TUBGCP5: variants seen among roughly 807,000 people sequenced by gnomAD.
TUBGCP5 encodes gamma-tubulin complex component 5.
A neutral mutation model predicts 134.7 loss-of-function variants in TUBGCP5; 98 were observed. The observed-to-expected ratio is 0.73, with a 90% CI of 0.62 to 0.86. TUBGCP5 has a LOEUF of 0.86. Among genes scored for constraint, TUBGCP5 ranks in the 40% least tolerant of loss-of-function variants. The pLI, the probability that TUBGCP5 is intolerant of heterozygous loss-of-function variation, is 0.00. For missense variants in TUBGCP5, 1,150 were observed against 1,244.8 expected (o/e 0.92, Z 1.15); for synonymous variants, 456 against 431.4 (o/e 1.06, Z -0.71).
intron 18 of TUBGCP5, chr15:23,005,832 C>CAT (rs1197451250): frequency 3.1e-5 from 21 of 671,166 alleles, no homozygotes; most frequent in Non-Finnish European, 4.9e-5. Context: ...ATCAACTGTA[C>CAT]ATACAACTTC....
chr15:23,002,199 A>C (rs2064429209), intron 21 of TUBGCP5, among the ~76,000 whole-genome samples: 2 of 152,172 alleles, frequency 1.3e-5, no homozygotes, highest in Non-Finnish European at 2.9e-5. Flanking sequence ...CAGCAATATA[A>C]AGCGAGGAAG....
At chr15:22,990,026 G>A (rs2140345675) in intron 23 of TUBGCP5, among the ~76,000 whole-genome samples, 1 of 152,268 alleles carries the variant, frequency 6.6e-6, no homozygotes, top group African/African-American at 2.4e-5. Flanking sequence ...AGAGTCCTCT[G>A]AGATCACACA....
intron 23 of TUBGCP5, among the ~76,000 whole-genome samples, chr15:22,985,053 A>C (rs963603114): frequency 4.6e-5 from 7 of 152,172 alleles, no homozygotes; most frequent in African/African-American, 1.7e-4. Context: ...AAAATAGGGC[A>C]AAAGACTTTA....
intron 5 of TUBGCP5, among the ~76,000 whole-genome samples, chr15:23,031,339 G>A (rs1026622307): frequency 3.3e-4 from 50 of 150,510 alleles, no homozygotes; most frequent in South Asian, 1.3e-3. Flanking sequence ...TTTTGAGACA[G>A]AGTCTCTCGC....
chr15:23,010,428 T>G (rs2064968839), intron 14 of TUBGCP5, among the ~76,000 whole-genome samples: 1 of 152,154 alleles, frequency 6.6e-6, no homozygotes, highest in African/African-American at 2.4e-5. Context: ...TCTAATGGAC[T>G]AAGTGCCTAA....
At position 23,006,191 on chromosome 15, in the gene TUBGCP5, A is replaced by G; in HGVS notation, c.2413-19T>C. The G allele has an allele frequency of 6.2e-7, 1 of 1,608,702 alleles. No homozygotes were observed. Reference sequence around the variant, plus strand: ...ATGGGACCTATGAAACAAAAACAAAATTAGAAAGTAACCAATTACTTGCAT... The same window carrying G: ...ATGGGACCTATGAAACAAAAACAAAGTTAGAAAGTAACCAATTACTTGCAT... On this transcript the variant is annotated intron_variant, in intron 17 of 22. Coordinates refer to ENST00000615383, the MANE Select transcript of TUBGCP5 (RefSeq NM_052903.6).
chr15:23,039,503 T>G lies in TUBGCP5; in HGVS notation c.41A>C (p.Gln14Pro), dbSNP rs375288021. Residue 14 changes from glutamine (Q) to proline (P), a missense_variant, in exon 1 of 23, where the codon CAG (glutamine) becomes CCG (proline). Gln to Pro is a moderately conservative substitution (Grantham distance 76). This residue lies in a region of TUBGCP5 where 453 missense variants were observed against 394.7 expected (regional missense o/e 1.15). Coordinates refer to ENST00000615383, the MANE Select transcript of TUBGCP5 (RefSeq NM_052903.6). The part of the protein sequence containing the change: ...HGPPWSRLDA[Q>P]QERDVRELVR... ...GAGCTCCCGCACGTCGCGCTCCTGC[T>G]GCGCGTCCAACCGACTCCACGGTGG... 1 of 1,510,728 alleles carries G rather than the reference T, an allele frequency of 6.6e-7. No homozygotes were observed. 93.6% of individuals were successfully genotyped at this position (1,510,728 alleles called of 1,614,324 possible). A position where few individuals can be genotyped will look rare whatever the true frequency, so the allele number is the denominator to read the frequency against.
intron 1 of TUBGCP5, 49 bp from the exon 2 acceptor site, chr15:23,037,201 A>G: frequency 6.4e-7 from 1 of 1,574,278 alleles, no homozygotes; most frequent in Non-Finnish European, 8.7e-7. Context: ...CACACAGGTA[A>G]GTGAACTCAT....
rs1230267969 is a variant in TUBGCP5, at chr15:23,005,572, CTTCT to C, written c.2568_2571del (p.Glu857AlafsTer19). 7 of 1,613,932 alleles carry C rather than the reference CTTCT, an allele frequency of 4.3e-6. No individual in the cohort carries two copies. Among genetic ancestry groups the C allele is most frequent in the South Asian group, 1.1e-5 (1 of 91,078 alleles). On this transcript the variant is annotated frameshift_variant, in exon 19 of 23. Coordinates refer to ENST00000615383, the MANE Select transcript of TUBGCP5 (RefSeq NM_052903.6). LOFTEE classifies it high-confidence loss of function. Reference sequence around the variant, plus strand: ...ACTGTGTCTTGTTCATGTATAAGGCCTTCTTTAAGTCGTGGTTTTTCTGCAGTAC... The same window carrying C: ...ACTGTGTCTTGTTCATGTATAAGGCCTTAAGTCGTGGTTTTTCTGCAGTAC...
rs866593750 is a variant in TUBGCP5, at chr15:23,019,314, G to A, written c.1392C>T (p.Leu464=). ...SEQTVSLLFS[L]WVETVRPYLQ... ...GGTAAGGCCGCACCGTTTCCACCCAGAGAGAGAAAAGGAGGGAGACCTGAG... is the reference window on the plus strand; with the variant it reads ...GGTAAGGCCGCACCGTTTCCACCCAAAGAGAGAAAAGGAGGGAGACCTGAG... Residue 464 remains leucine (L), a synonymous_variant, in exon 12 of 23, where the codon CTC becomes CTT. Transcript: ENST00000615383. The A allele has an allele frequency of 1.9e-6, 3 of 1,613,800 alleles. No individual in the cohort carries two copies.
At chr15:23,025,660 G>A (rs1396625376) in intron 8 of TUBGCP5, among the ~76,000 whole-genome samples, 2 of 152,136 alleles carry the variant, frequency 1.3e-5, no homozygotes, top group Non-Finnish European at 1.5e-5. Context: ...GTGAAACCCC[G>A]TCTCTACTAA....
chr15:23,032,050 T>C, intron 4 of TUBGCP5, 21 bp from the exon 5 acceptor site: 1 of 1,577,946 alleles, frequency 6.3e-7, no homozygotes, highest in Non-Finnish European at 8.7e-7. Context: ...ACAGAAGAAC[T>C]TCATTGGCTT....
intron 13 of TUBGCP5, among the ~76,000 whole-genome samples, chr15:23,012,962 C>T (rs1231149683): frequency 3.3e-5 from 5 of 151,934 alleles, no homozygotes; most frequent in Non-Finnish European, 7.4e-5. Flanking sequence ...ATTAGCCGGG[C>T]GTAGTGGCTC....
chr15:23,031,211 CT>C (rs1417022105), intron 5 of TUBGCP5, among the ~76,000 whole-genome samples, 191 bp from the exon 6 acceptor site: 1 of 151,884 alleles, frequency 6.6e-6, no homozygotes, highest in East Asian at 1.9e-4. Context: ...ACTACTTTTT[CT>C]TTTTTTCTAT....
At chr15:22,984,632 AAG>A (rs1170484261) in intron 23 of TUBGCP5, among the ~76,000 whole-genome samples, 1 of 152,112 alleles carries the variant, frequency 6.6e-6, no homozygotes, top group Non-Finnish European at 1.5e-5. Flanking sequence ...AAAAAAATAA[AAG>A]AAACTTTTTT....
At chr15:23,014,806 G>T (rs1266475994) in intron 13 of TUBGCP5, among the ~76,000 whole-genome samples, 1 of 152,200 alleles carries the variant, frequency 6.6e-6, no homozygotes, top group Non-Finnish European at 1.5e-5. Context: ...TCCAAGGCTT[G>T]AGAAATGACC....
intron 23 of TUBGCP5, among the ~76,000 whole-genome samples, chr15:22,989,237 T>C (rs1306654577): frequency 6.6e-6 from 1 of 152,202 alleles, no homozygotes; most frequent in Non-Finnish European, 1.5e-5. Context: ...AGCAGACAGC[T>C]TTGGGGCTAC....
At position 23,037,127 on chromosome 15, in the gene TUBGCP5, T is replaced by C; in HGVS notation, c.172A>G (p.Ser58Gly). The C allele has an allele frequency of 1.2e-6, 2 of 1,613,772 alleles. No homozygotes were observed. The highest frequency in any genetic ancestry group is 8.5e-7 in the Non-Finnish European group (1 of 1,179,990). Residue 58 changes from serine (S) to glycine (G), a missense_variant, in exon 2 of 23, where the codon AGC (serine) becomes GGC (glycine). Ser to Gly is a moderately conservative substitution (Grantham distance 56). Around this residue, in one of 2 missense-constraint regions of TUBGCP5, gnomAD observed 453 missense variants for 394.7 expected, o/e 1.15. Coordinates refer to ENST00000615383, the MANE Select transcript of TUBGCP5 (RefSeq NM_052903.6). ...TCGATTGTTTTTTCTATTTTGTGGC[T>C]GTTGACATCCAAGAAACGATGAAAT... Reference protein sequence around the residue: ...FRFHRFLDVNSHKIEKTIEGI... With the variant: ...FRFHRFLDVNGHKIEKTIEGI...
intron 21 of TUBGCP5, among the ~76,000 whole-genome samples, chr15:23,001,045 GGTTT>G (rs1474008590): frequency 6.6e-6 from 1 of 151,980 alleles, no homozygotes; most frequent in Non-Finnish European, 1.5e-5. Context: ...TTTTTAAAAA[GGTTT>G]TTTTTCTTTT....
Sources: allele counts gnomAD v4.1 joint callset (sites outside exome capture counted in the v4.1 genomes callset), GRCh38; gene constraint gnomAD v4.1.1; regional missense constraint gnomAD v4.1.1; transcripts MANE v1.5; gene names NCBI Gene and HGNC (gene_info 2026-07-23, HGNC 2026-07-21).